VAV3: variants seen among roughly 807,000 people sequenced by gnomAD.
VAV3 encodes the protein guanine nucleotide exchange factor VAV3.
VAV3 carries 94 observed loss-of-function variants against 131.2 expected under a neutral mutation model. The observed-to-expected ratio is 0.72, with a 90% CI of 0.61 to 0.85. The LOEUF is 0.85. VAV3 is among the 40% of genes least tolerant of loss of function. The pLI, the probability that VAV3 is intolerant of heterozygous loss-of-function variation, is 0.00. For missense variants in VAV3, 939 were observed against 1,002.7 expected (o/e 0.94, Z 0.86); for synonymous variants, 349 against 342.0 (o/e 1.02, Z -0.22).
intron 20 of VAV3, among the ~76,000 whole-genome samples, chr1:107,637,626 C>T (rs565804864): frequency 2.0e-4 from 30 of 152,220 alleles, no homozygotes; most frequent in African/African-American, 6.3e-4. Context: ...AGCGAGACTC[C>T]GTCTCAAAAT....
chr1:107,611,596 C>CAAAAA (rs66982121), intron 21 of VAV3, among the ~76,000 whole-genome samples: 4 of 119,956 alleles, frequency 3.3e-5, no homozygotes, highest in Non-Finnish European at 5.4e-5. Context: ...CATAGAGAAC[C>CAAAAA]AAAAAAAAAA....
chr1:107,634,719 C>T (rs1570654158), intron 20 of VAV3, among the ~76,000 whole-genome samples: 2 of 149,364 alleles, frequency 1.3e-5, no homozygotes, highest in Admixed American at 6.6e-5. Context: ...TTGCAATCTA[C>T]TCATCTGACA....
intron 1 of VAV3, among the ~76,000 whole-genome samples, chr1:107,963,023 C>A (rs1348673215): frequency 1.3e-5 from 2 of 152,162 alleles, no homozygotes; most frequent in East Asian, 1.9e-4. Context: ...TAAATTACAT[C>A]TAACATAAGA....
chr1:107,754,541 C>T (rs965753020), intron 12 of VAV3, among the ~76,000 whole-genome samples: 1 of 152,190 alleles, frequency 6.6e-6, no homozygotes, highest in South Asian at 2.1e-4. Context: ...TGCCTGCTCA[C>T]AGGGTCTTCT....
chr1:107,926,314 A>G (rs1333450533), intron 1 of VAV3, among the ~76,000 whole-genome samples: 1 of 152,026 alleles, frequency 6.6e-6, no homozygotes, highest in East Asian at 1.9e-4. Flanking sequence ...AAAAAGAATC[A>G]ACAAGGGGCT....
At chr1:107,612,661 A>G (rs962626929) in intron 21 of VAV3, among the ~76,000 whole-genome samples, 2 of 152,078 alleles carry the variant, frequency 1.3e-5, no homozygotes, top group Admixed American at 1.3e-4. Flanking sequence ...TGTATCTTGG[A>G]CAATTTGAAT....
chr1:107,945,293 T>C (rs1308501144), intron 1 of VAV3, among the ~76,000 whole-genome samples: 1 of 152,232 alleles, frequency 6.6e-6, no homozygotes, highest in African/African-American at 2.4e-5. Context: ...TTAGAGGCCC[T>C]TGAAAAACAC....
chr1:107,827,983 A>T (rs1668086897), intron 2 of VAV3, among the ~76,000 whole-genome samples: 1 of 152,172 alleles, frequency 6.6e-6, no homozygotes, highest in Non-Finnish European at 1.5e-5. Context: ...ATGATCTGGG[A>T]CATGGGAGTC....
At chr1:107,735,976 G>A (rs1376698818) in intron 15 of VAV3, among the ~76,000 whole-genome samples, 1 of 152,098 alleles carries the variant, frequency 6.6e-6, no homozygotes, top group African/African-American at 2.4e-5. Context: ...CTGGCAAACT[G>A]AATCCAGCAA....
chr1:107,909,831 T>C (rs1372213649), intron 1 of VAV3, among the ~76,000 whole-genome samples: 3 of 152,202 alleles, frequency 2.0e-5, no homozygotes, highest in Admixed American at 6.5e-5. Context: ...AGAAAATCTT[T>C]CTAATCAGTG....
At chr1:107,583,282 A>T (rs1158062528) in intron 25 of VAV3, among the ~76,000 whole-genome samples, 3 of 152,170 alleles carry the variant, frequency 2.0e-5, no homozygotes, top group African/African-American at 7.2e-5. Context: ...GCTATCTGTG[A>T]CAAACCCACA....
intron 21 of VAV3, among the ~76,000 whole-genome samples, chr1:107,610,386 T>C (rs761938837): frequency 1.3e-5 from 2 of 151,956 alleles, no homozygotes; most frequent in Non-Finnish European, 2.9e-5. Flanking sequence ...TTTAATATTT[T>C]TAATATTTTA....
intron 1 of VAV3, among the ~76,000 whole-genome samples, chr1:107,943,892 C>T (rs1050579845): frequency 1.3e-5 from 2 of 152,208 alleles, no homozygotes; most frequent in Non-Finnish European, 2.9e-5. Flanking sequence ...ACCTGCAACA[C>T]GAGTCCAAGC....
chr1:107,819,067 A>T (rs1161250036), intron 2 of VAV3, among the ~76,000 whole-genome samples: 3 of 152,184 alleles, frequency 2.0e-5, no homozygotes, highest in Non-Finnish European at 4.4e-5. Flanking sequence ...TTTGGAAAAA[A>T]AATATAAGCT....
chr1:107,910,196 G>A (rs901227849), intron 1 of VAV3, among the ~76,000 whole-genome samples: 1 of 152,146 alleles, frequency 6.6e-6, no homozygotes, highest in Non-Finnish European at 1.5e-5. Context: ...TTGTATCCAG[G>A]CCTATCTAAT....
At chr1:107,632,974 A>G (rs962837534) in intron 20 of VAV3, among the ~76,000 whole-genome samples, 2 of 152,212 alleles carry the variant, frequency 1.3e-5, no homozygotes, top group Non-Finnish European at 2.9e-5. Flanking sequence ...CTGAAAGGAA[A>G]TGACAACTAA....
intron 15 of VAV3, among the ~76,000 whole-genome samples, chr1:107,720,312 T>A (rs912218960): frequency 6.6e-6 from 1 of 150,580 alleles, no homozygotes; most frequent in East Asian, 2.0e-4. Context: ...GAGCCCAGGA[T>A]GTTGAGGCTG....
chr1:107,628,482 G>A (rs902979313), intron 20 of VAV3, among the ~76,000 whole-genome samples: 1 of 152,122 alleles, frequency 6.6e-6, no homozygotes, highest in African/African-American at 2.4e-5. Flanking sequence ...CCCCAGGTTC[G>A]TTGCCTCTGA....
intron 20 of VAV3, among the ~76,000 whole-genome samples, chr1:107,626,899 C>A (rs1654061587): frequency 6.6e-6 from 1 of 152,184 alleles, no homozygotes; most frequent in Admixed American, 6.5e-5. Context: ...GATGATGATG[C>A]AGACTAACAC....
Sources: allele counts gnomAD v4.1 joint callset (sites outside exome capture counted in the v4.1 genomes callset), GRCh38; gene constraint gnomAD v4.1.1; transcripts MANE v1.5; gene names NCBI Gene and HGNC (gene_info 2026-07-23, HGNC 2026-07-21).